Variants in MAST4 observed in about 807,000 individuals in gnomAD.
The protein encoded by MAST4 is microtubule associated serine/threonine kinase family member 4.
Under a neutral mutation model 162.7 loss-of-function variants are expected in MAST4, and 89 were observed. The ratio of observed to expected loss-of-function variants is 0.55; its 90% CI spans 0.46 to 0.65. The LOEUF is 0.65. Among genes scored for constraint, MAST4 ranks in the 30% least tolerant of loss-of-function variants. The probability of loss-of-function intolerance (pLI) is 0.00; values close to 1 mark genes in which losing one functional copy is unlikely to be tolerated. For synonymous variants in MAST4, 1,479 were observed against 1,361.1 expected (o/e 1.09, Z -1.91); for missense variants, 3,153 against 3,374.0 (o/e 0.93, Z 1.62).
chr5:67,078,911 A>AATAAATATATATATATATTATATAT (rs1227485756), intron 5 of MAST4, among the ~76,000 whole-genome samples: 1 of 38,110 alleles, frequency 2.6e-5, no homozygotes, highest in Non-Finnish European at 4.4e-5. Context: ...TTTTTATATA[A>AATAAATATATATATATATTATATAT]ATATATATAT....
chr5:66,927,991 G>T (rs971072789), intron 4 of MAST4, among the ~76,000 whole-genome samples: 1 of 152,050 alleles, frequency 6.6e-6, no homozygotes, highest in Non-Finnish European at 1.5e-5. Context: ...CATTTCTCTG[G>T]TCTGTACGTC....
intron 3 of MAST4, among the ~76,000 whole-genome samples, chr5:66,865,577 C>T (rs1263918587): frequency 6.6e-6 from 1 of 152,022 alleles, no homozygotes; most frequent in East Asian, 1.9e-4. Flanking sequence ...GAAAATATCA[C>T]ATGTAGTATA....
chr5:67,158,011 T>C lies in MAST4; in HGVS notation c.3649-2445T>C, dbSNP rs116179648. On this transcript the variant is annotated intron_variant, in intron 26 of 28. Transcript: ENST00000403625. The stretch of plus-strand genomic sequence containing the variant: ...GGTAGTATAGCCCCAGCGGTCATTA[T>C]GGTTCTGCACGTCCACTCTCTGCAT... Among the ~76,000 whole-genome samples the C allele has an allele frequency of 3.8e-3, 575 of 152,336 alleles. 2 individuals carry two copies. Among genetic ancestry groups the C allele is most frequent in the African/African-American group, 0.013 (553 of 41,584 alleles).
chr5:66,932,936 G>T (rs1405393842), intron 4 of MAST4, among the ~76,000 whole-genome samples: 1 of 152,044 alleles, frequency 6.6e-6, no homozygotes, highest in Admixed American at 6.6e-5. Flanking sequence ...ATTATTTAGT[G>T]GTTCTTTGGC....
intron 3 of MAST4, among the ~76,000 whole-genome samples, chr5:66,871,510 G>A (rs1254796134): frequency 6.6e-6 from 1 of 152,214 alleles, no homozygotes; most frequent in African/African-American, 2.4e-5. Flanking sequence ...AGTAGCCACA[G>A]AAAAGTGGTT....
At chr5:66,618,304 G>C (rs1403747430) in intron 1 of MAST4, among the ~76,000 whole-genome samples, 1 of 152,172 alleles carries the variant, frequency 6.6e-6, no homozygotes, top group Non-Finnish European at 1.5e-5. Flanking sequence ...GGGTTTCAGA[G>C]AACTCAAGTC....
At chr5:66,597,129 A>T in intron 1 of MAST4, 111 bp downstream of exon 1, 2 of 1,229,376 alleles carry the variant, frequency 1.6e-6, no homozygotes, top group East Asian at 3.2e-5. Flanking sequence ...GGAGATAGGG[A>T]GGGACCCCAA....
chr5:66,954,076 A>C (rs1008158731), intron 4 of MAST4, among the ~76,000 whole-genome samples: 1 of 152,046 alleles, frequency 6.6e-6, no homozygotes, highest in African/African-American at 2.4e-5. Flanking sequence ...CTTAACTTCC[A>C]CCTTGTCATA....
At chr5:66,851,995 A>G (rs1421581193) in intron 3 of MAST4, among the ~76,000 whole-genome samples, 1 of 152,166 alleles carries the variant, frequency 6.6e-6, no homozygotes, top group Non-Finnish European at 1.5e-5. Context: ...ATTTCCATGA[A>G]CAGTTTTAGT....
intron 7 of MAST4, among the ~76,000 whole-genome samples, chr5:67,098,680 G>A (rs1424656322): frequency 6.6e-6 from 1 of 152,120 alleles, no homozygotes; most frequent in Non-Finnish European, 1.5e-5. Context: ...CTAATTGCCT[G>A]AAGAACTAGC....
At chr5:66,738,376 A>C (rs1164481403) in intron 1 of MAST4, 2 of 152,362 alleles carry the variant, frequency 1.3e-5, no homozygotes, top group Non-Finnish European at 2.9e-5. Flanking sequence ...GTCCAACTGC[A>C]AGGAGCTAGA....
intron 4 of MAST4, among the ~76,000 whole-genome samples, chr5:67,017,491 T>G (rs1353357059): frequency 6.6e-6 from 1 of 152,230 alleles, no homozygotes; most frequent in Non-Finnish European, 1.5e-5. Context: ...AGATACAATT[T>G]ACACATGGTA....
At chr5:66,644,301 AT>A (rs2149439353) in intron 1 of MAST4, among the ~76,000 whole-genome samples, 2 of 152,316 alleles carry the variant, frequency 1.3e-5, no homozygotes, top group South Asian at 4.1e-4. Flanking sequence ...TTCAAGGGAT[AT>A]TTAGGAGATT....
chr5:66,948,405 G>C (rs2150123135), intron 4 of MAST4, among the ~76,000 whole-genome samples: 1 of 152,224 alleles, frequency 6.6e-6, no homozygotes, highest in East Asian at 1.9e-4. Flanking sequence ...CTCTCTGCTT[G>C]TTTGGTTACC....
At chr5:67,075,210 A>T (rs1374594892) in intron 5 of MAST4, among the ~76,000 whole-genome samples, 1 of 140,960 alleles carries the variant, frequency 7.1e-6, no homozygotes, top group Non-Finnish European at 1.5e-5. Context: ...TTGCTCTGTC[A>T]TCTAAGCTGG....
At chr5:67,104,975 G>C (rs1279369561) in intron 10 of MAST4, among the ~76,000 whole-genome samples, 1 of 152,216 alleles carries the variant, frequency 6.6e-6, no homozygotes, top group African/African-American at 2.4e-5. Context: ...GCTTCTTCCA[G>C]GCTGTGTGTT....
intron 8 of MAST4, among the ~76,000 whole-genome samples, chr5:67,101,467 A>G (rs1765019429): frequency 1.3e-5 from 2 of 152,088 alleles, no homozygotes; most frequent in African/African-American, 2.4e-5. Flanking sequence ...TGTGGATAGC[A>G]CTCCCAGAAG....
At chr5:66,721,385 ATTCTC>A (rs1433503418) in intron 1 of MAST4, among the ~76,000 whole-genome samples, 383 of 152,178 alleles carry the variant, frequency 2.5e-3, no homozygotes, top group Middle Eastern at 0.017. Context: ...ATAATGGTCA[ATTCTC>A]AGGCCTCATC....
At chr5:67,123,084 G>A (rs1011521278) in intron 14 of MAST4, among the ~76,000 whole-genome samples, 19 of 152,124 alleles carry the variant, frequency 1.2e-4, no homozygotes, top group African/African-American at 4.1e-4. Context: ...GCTGACTGCC[G>A]GCTTATGGGA....
Sources: allele counts gnomAD v4.1 joint callset (sites outside exome capture counted in the v4.1 genomes callset), GRCh38; gene constraint gnomAD v4.1.1; transcripts MANE v1.5; gene names NCBI Gene and HGNC (gene_info 2026-07-23, HGNC 2026-07-21).